Variants in DNAJC13 observed in about 807,000 individuals in gnomAD.
The protein encoded by DNAJC13 is DnaJ heat shock protein family (Hsp40) member C13.
Under a neutral mutation model 290.5 loss-of-function variants are expected in DNAJC13, and 75 were observed. The observed-to-expected ratio is 0.26, with a 90% confidence interval of 0.21 to 0.31. DNAJC13 has a LOEUF of 0.31. Ranked by LOEUF, DNAJC13 falls within the 10% of genes least tolerant of loss-of-function variation. The probability of loss-of-function intolerance (pLI) is 1.00; values close to 1 mark genes in which losing one functional copy is unlikely to be tolerated. For missense variants in DNAJC13, 2,260 were observed against 2,674.5 expected (o/e 0.85, Z 3.42); for synonymous variants, 862 against 892.0 (o/e 0.97, Z 0.60).
chr3:132,500,689 C>T (rs1161050118), intron 38 of DNAJC13, 105 bp from the exon 39 acceptor site: 2 of 1,445,118 alleles, frequency 1.4e-6, no homozygotes, highest in African/African-American at 1.4e-5. Context: ...TTGTATATAC[C>T]ATTAAGCATT....
At chr3:132,525,576 T>G (rs918807065) in intron 51 of DNAJC13, 34 bp from the exon 52 acceptor site, 49 of 1,605,832 alleles carry the variant, frequency 3.1e-5, no homozygotes, top group Non-Finnish European at 4.0e-5. Context: ...TATGAGTATT[T>G]TATAGTTGAT....
At chr3:132,522,010 T>C (rs1022139390) in intron 48 of DNAJC13, among the ~76,000 whole-genome samples, 10 of 152,192 alleles carry the variant, frequency 6.6e-5, no homozygotes, top group African/African-American at 2.4e-4. Context: ...TTGTAGTATA[T>C]CTCTGGCAGT....
intron 22 of DNAJC13, among the ~76,000 whole-genome samples, chr3:132,476,841 C>T (rs948489638): frequency 1.3e-5 from 2 of 152,178 alleles, no homozygotes; most frequent in African/African-American, 4.8e-5. Context: ...CTGGGTGGGC[C>T]TTCCCTGGAT....
chr3:132,523,734 A>G lies in DNAJC13; in HGVS notation c.6060+21A>G, dbSNP rs371839579. 4.1e-5 allele frequency: 65 copies of G among 1,604,084 alleles called. 1 individual carries two copies. The South Asian group carries it at 5.3e-4, about 13-fold the overall frequency. On this transcript the variant is annotated intron_variant, in intron 51 of 55. Transcript: ENST00000260818. ...CTCATGTAAGCTTCAGTCAAAAGCA[A>G]AACATTTCAAAGACTTGGCTAACTA...
intron 41 of DNAJC13, among the ~76,000 whole-genome samples, chr3:132,504,601 C>CT (rs1935529171): frequency 6.6e-6 from 1 of 152,150 alleles, no homozygotes; most frequent in Non-Finnish European, 1.5e-5. Context: ...GAAAACAAGG[C>CT]TTGCATGTCT....
At position 132,446,511 on chromosome 3, in the gene DNAJC13, T is replaced by G; in HGVS notation, c.105T>G (p.Ile35Met). 1.9e-6 allele frequency: 3 copies of G among 1,609,464 alleles called. No homozygotes were observed. The highest frequency in any genetic ancestry group is 2.5e-6 in the Non-Finnish European group (3 of 1,178,298). Residue 35 changes from isoleucine (I) to methionine (M), a missense_variant, in exon 3 of 56, where the codon ATT (isoleucine) becomes ATG (methionine). Ile to Met is a conservative substitution (Grantham distance 10). This residue lies in a region of DNAJC13 where 762 missense variants were observed against 964.1 expected (regional missense o/e 0.79). Transcript: ENST00000260818. The part of the protein sequence containing the change: ...KRVFSVGTHA[I>M]TTYNPNTLEV... ...TCTTTTCAGTTGGAACTCATGCGATTACTACATATAATCCCAATACCTTAG... is the reference window on the plus strand; with the variant it reads ...TCTTTTCAGTTGGAACTCATGCGATGACTACATATAATCCCAATACCTTAG...
intron 41 of DNAJC13, among the ~76,000 whole-genome samples, chr3:132,503,638 A>G (rs1299344189): frequency 6.6e-6 from 1 of 152,196 alleles, no homozygotes; most frequent in Non-Finnish European, 1.5e-5. Flanking sequence ...TTGAGTCACA[A>G]AGGGACAGGA....
At chr3:132,516,633 A>T (rs991204904) in intron 47 of DNAJC13, 71 bp from the exon 48 acceptor site, 14 of 1,525,052 alleles carry the variant, frequency 9.2e-6, no homozygotes, top group Non-Finnish European at 1.2e-5. Flanking sequence ...CAGTTGAAAT[A>T]TGGTTGAAAA....
At chr3:132,509,682 C>T (rs1464579924) in intron 43 of DNAJC13, among the ~76,000 whole-genome samples, 1 of 152,228 alleles carries the variant, frequency 6.6e-6, no homozygotes, top group Non-Finnish European at 1.5e-5. Flanking sequence ...GCCACCCCAA[C>T]CTTCAGCAAC....
intron 2 of DNAJC13, among the ~76,000 whole-genome samples, chr3:132,438,230 A>G (rs1342343214): frequency 1.3e-5 from 2 of 152,140 alleles, no homozygotes; most frequent in African/African-American, 4.8e-5. Flanking sequence ...CAGTGTATAC[A>G]CCTTGAATCT....
intron 43 of DNAJC13, among the ~76,000 whole-genome samples, chr3:132,509,227 GGA>G (rs1204876828): frequency 2.6e-5 from 4 of 152,186 alleles, no homozygotes; most frequent in African/African-American, 9.7e-5. Context: ...AGTATTAACA[GGA>G]GCTTGGAAGA....
chr3:132,489,489 A>T (rs202226953), intron 31 of DNAJC13, among the ~76,000 whole-genome samples: 1 of 109,872 alleles, frequency 9.1e-6, no homozygotes, highest in African/African-American at 2.7e-5. Flanking sequence ...GCTGGGAATT[A>T]AAAAAAAAAA....
In DNAJC13 at chr3:132,525,528, T is replaced by C; in HGVS notation, c.6061-82T>C. The C allele has an allele frequency of 3.5e-6, 5 of 1,439,328 alleles. No individual in the cohort carries two copies. In the South Asian group the frequency reaches 6.8e-5, roughly 20 times the overall value. 89.2% of individuals were successfully genotyped at this position (1,439,328 alleles called of 1,614,324 possible). On this transcript the variant is annotated intron_variant, in intron 51 of 55. Transcript: ENST00000260818. ...ACTTAGAACTTTTGAATCCCTAGTT[T>C]TGAACACCAAATACATTACCTTGGA...
chr3:132,500,516 A>G (rs1935374595), intron 38 of DNAJC13, among the ~76,000 whole-genome samples: 1 of 152,200 alleles, frequency 6.6e-6, no homozygotes, highest in Non-Finnish European at 1.5e-5. Flanking sequence ...AGCCCTTTAA[A>G]AATCTAAAAA....
chr3:132,496,187 G>A (rs1053673332), intron 35 of DNAJC13, among the ~76,000 whole-genome samples: 6 of 152,040 alleles, frequency 3.9e-5, no homozygotes, highest in African/African-American at 1.4e-4. Flanking sequence ...TGAGATTATG[G>A]CATTTAGCAC....
intron 1 of DNAJC13, among the ~76,000 whole-genome samples, chr3:132,428,555 C>T (rs1939164160): frequency 6.6e-6 from 1 of 151,510 alleles, no homozygotes; most frequent in Admixed American, 6.6e-5. Flanking sequence ...AGTGATCCTC[C>T]CACAGTAGCC....
At position 132,496,578 on chromosome 3, in the gene DNAJC13, A is replaced by G; in HGVS notation, c.4071A>G (p.Ser1357=). ...NKAYEFLCTK[S]AKIVDGPDPE... is the part of the protein sequence containing the mutation. ...CATATGAATTTTTATGTACCAAATC[A>G]GCAAAAATAGTGGATGGGCCAGATC... The change falls in exon 36 of 56, where the codon TCA becomes TCG. Residue 1357 remains serine (S), a synonymous_variant. Coordinates refer to ENST00000260818, the MANE Select transcript of DNAJC13 (RefSeq NM_015268.4). The G allele has an allele frequency of 6.2e-7, 1 of 1,609,908 alleles. No individual in the cohort carries two copies. The highest frequency in any genetic ancestry group is 8.5e-7 in the Non-Finnish European group (1 of 1,177,642).
At chr3:132,523,311 G>T in intron 50 of DNAJC13, 112 bp downstream of exon 50, 1 of 1,315,174 alleles carries the variant, frequency 7.6e-7, no homozygotes, top group Non-Finnish European at 1.1e-6. Context: ...AGACTCTTGG[G>T]TATTCCCCTG....
chr3:132,437,982 C>T (rs1022746540), intron 2 of DNAJC13, among the ~76,000 whole-genome samples: 2 of 148,264 alleles, frequency 1.3e-5, no homozygotes, highest in Non-Finnish European at 3.0e-5. Flanking sequence ...ACCCTGGAGG[C>T]GGAGACTGCA....
Sources: allele counts gnomAD v4.1 joint callset (sites outside exome capture counted in the v4.1 genomes callset), GRCh38; gene constraint gnomAD v4.1.1; regional missense constraint gnomAD v4.1.1; transcripts MANE v1.5; gene names NCBI Gene and HGNC (gene_info 2026-07-23, HGNC 2026-07-21).